The following MYO10 variants were observed in gnomAD, a reference collection of about 807,000 sequenced individuals.
MYO10 encodes the protein unconventional myosin-X.
MYO10 carries 133 observed loss-of-function variants against 257.3 expected under a neutral mutation model. The ratio of observed to expected loss-of-function variants is 0.52; its 90% confidence interval spans 0.45 to 0.60. The LOEUF (loss-of-function observed/expected upper bound fraction) is 0.60. MYO10 is among the 20% of genes least tolerant of loss of function. The pLI, the probability that MYO10 is intolerant of heterozygous loss-of-function variation, is 0.00. For synonymous variants in MYO10, 1,104 were observed against 1,028.6 expected (o/e 1.07, Z -1.40); for missense variants, 2,399 against 2,635.7 (o/e 0.91, Z 1.97).
At chr5:16,765,934 A>G (rs1367657524) in intron 11 of MYO10, 146 bp downstream of exon 11, 2 of 631,676 alleles carry the variant, frequency 3.2e-6, no homozygotes, top group East Asian at 5.6e-5. Context: ...TATCTTCTTT[A>G]TTTTTATCAT....
rs922199228 is a variant in MYO10, at chr5:16,663,087, T to A, written c.*3605A>T. 1.3e-4 allele frequency: 20 copies of A among 152,204 alleles called. No individual in the cohort carries two copies. The highest frequency in any genetic ancestry group is 4.6e-4 in the African/African-American group (19 of 41,448). 9.4% of individuals were successfully genotyped at this position (152,204 alleles called of 1,614,324 possible). ...CATCAAAAAGAATAAGGCAATTCTATAGGTATTAATGTAGGATTAGAGCTA... is the reference window on the plus strand; with the variant it reads ...CATCAAAAAGAATAAGGCAATTCTAAAGGTATTAATGTAGGATTAGAGCTA... On this transcript the variant is annotated 3_prime_UTR_variant, in exon 41 of 41. Transcript: ENST00000513610.
intron 2 of MYO10, among the ~76,000 whole-genome samples, chr5:16,877,240 C>G (rs1397043790): frequency 6.6e-6 from 1 of 152,210 alleles, no homozygotes; most frequent in African/African-American, 2.4e-5. Flanking sequence ...GAGAAAGTAA[C>G]AAGTTAATCA....
intron 1 of MYO10, among the ~76,000 whole-genome samples, chr5:16,919,145 G>A (rs1580150782): frequency 6.6e-6 from 1 of 152,142 alleles, no homozygotes; most frequent in East Asian, 1.9e-4. Context: ...GAGAGGCCAA[G>A]GCAGGCGGGA....
chr5:16,732,343 C>A, intron 19 of MYO10, among the ~76,000 whole-genome samples: 1 of 152,146 alleles, frequency 6.6e-6, no homozygotes, highest in East Asian at 1.9e-4. Flanking sequence ...GCACAAATCC[C>A]ATCTGGAAAT....
intron 1 of MYO10, among the ~76,000 whole-genome samples, chr5:16,904,700 CG>C (rs1331527757): frequency 6.6e-6 from 1 of 152,056 alleles, no homozygotes; most frequent in Non-Finnish European, 1.5e-5. Flanking sequence ...GAGGCCGAGG[CG>C]GGCAGATCAA....
At chr5:16,852,995 G>C (rs1242078384) in intron 2 of MYO10, among the ~76,000 whole-genome samples, 3 of 152,146 alleles carry the variant, frequency 2.0e-5, no homozygotes, top group Non-Finnish European at 4.4e-5. Context: ...AATGGGAATG[G>C]TTCTCACCCT....
chr5:16,868,412 G>A (rs543425920), intron 2 of MYO10, among the ~76,000 whole-genome samples: 1 of 152,254 alleles, frequency 6.6e-6, no homozygotes, highest in Non-Finnish European at 1.5e-5. Flanking sequence ...AGACCATCCT[G>A]GCTAACACGG....
At chr5:16,917,977 C>T (rs71609338) in intron 1 of MYO10, among the ~76,000 whole-genome samples, 10,582 of 152,252 alleles carry the variant, frequency 0.07, 435 homozygotes, top group African/African-American at 0.11. Context: ...ATGCTAGCCA[C>T]TTTCTTTTTA....
intron 2 of MYO10, among the ~76,000 whole-genome samples, chr5:16,873,667 T>C (rs1004838953): frequency 8.5e-5 from 13 of 152,214 alleles, no homozygotes; most frequent in African/African-American, 2.9e-4. Flanking sequence ...TTCTGAAATC[T>C]AGGCAGAGGT....
chr5:16,889,491 G>T (rs973311003), intron 1 of MYO10, among the ~76,000 whole-genome samples: 2 of 45,844 alleles, frequency 4.4e-5, no homozygotes, highest in African/African-American at 7.6e-5. Context: ...AGGAAGGAAG[G>T]AAGGAAGGAA....
At chr5:16,726,293 G>A (rs1344937411) in intron 19 of MYO10, among the ~76,000 whole-genome samples, 1 of 152,178 alleles carries the variant, frequency 6.6e-6, no homozygotes, top group Non-Finnish European at 1.5e-5. Flanking sequence ...GGTGGTGGTG[G>A]TGATGGTGGT....
intron 34 of MYO10, among the ~76,000 whole-genome samples, chr5:16,675,507 G>A (rs1248601189): frequency 6.6e-6 from 1 of 152,140 alleles, no homozygotes; most frequent in Admixed American, 6.5e-5. Flanking sequence ...GGAGGCCGAG[G>A]CAGGTGGGTC....
At chr5:16,867,550 A>T (rs1454579362) in intron 2 of MYO10, among the ~76,000 whole-genome samples, 1 of 152,234 alleles carries the variant, frequency 6.6e-6, no homozygotes, top group African/African-American at 2.4e-5. Context: ...AAATGCAATG[A>T]GAAGTCACTA....
chr5:16,847,629 CT>C (rs1302042712), intron 2 of MYO10, among the ~76,000 whole-genome samples: 2 of 152,052 alleles, frequency 1.3e-5, no homozygotes, highest in Non-Finnish European at 2.9e-5. Context: ...TCTTGGGAGG[CT>C]GAGGTGGGAG....
rs1037073479 is a variant in MYO10 at position 16,663,123 on chromosome 5, C to G, written c.*3569G>C. 6 of 151,872 alleles carry G rather than the reference C, an allele frequency of 4.0e-5. No individual in the cohort carries two copies. Among genetic ancestry groups the G allele is most frequent in the Non-Finnish European group, 8.8e-5 (6 of 67,978 alleles). The allele number at this position is 151,872 out of a possible 1,614,324, so 9.4% of individuals were successfully genotyped here. On this transcript the variant is annotated 3_prime_UTR_variant, in exon 41 of 41. Coordinates refer to ENST00000513610, the MANE Select transcript of MYO10 (RefSeq NM_012334.3). ...GTAGGATTAGAGCTAAAATACTATGCTGAGAAAAAAGTAAGCTACAACAGT... is the reference window on the plus strand; with the variant it reads ...GTAGGATTAGAGCTAAAATACTATGGTGAGAAAAAAGTAAGCTACAACAGT...
intron 1 of MYO10, among the ~76,000 whole-genome samples, chr5:16,921,309 A>T (rs555653229): frequency 6.6e-6 from 1 of 152,166 alleles, no homozygotes; most frequent in Admixed American, 6.5e-5. Flanking sequence ...TACTCAGTAT[A>T]ATAAATATTT....
chr5:16,692,941 C>T (rs1737573191), intron 27 of MYO10, among the ~76,000 whole-genome samples: 1 of 152,160 alleles, frequency 6.6e-6, no homozygotes, highest in Non-Finnish European at 1.5e-5. Flanking sequence ...TACTATGCCT[C>T]CCTCTCTCAC....
intron 2 of MYO10, among the ~76,000 whole-genome samples, chr5:16,860,194 G>T (rs1744069528): frequency 6.6e-6 from 1 of 152,156 alleles, no homozygotes; most frequent in African/African-American, 2.4e-5. Context: ...GGAGAAAAAT[G>T]AGAGAAACAA....
chr5:16,785,929 G>C (rs1285830993), intron 4 of MYO10, among the ~76,000 whole-genome samples: 5 of 151,906 alleles, frequency 3.3e-5, no homozygotes, highest in African/African-American at 9.7e-5. Context: ...AGTAACAAGG[G>C]GACCAAGTGT....
Sources: allele counts gnomAD v4.1 joint callset (sites outside exome capture counted in the v4.1 genomes callset), GRCh38; gene constraint gnomAD v4.1.1; transcripts MANE v1.5; gene names NCBI Gene and HGNC (gene_info 2026-07-23, HGNC 2026-07-21).